ZNF385D: variants seen among roughly 807,000 people sequenced by gnomAD.
The protein encoded by ZNF385D is zinc finger protein 659.
Under a neutral mutation model 35.8 loss-of-function variants are expected in ZNF385D, and 15 were observed. That is an observed-to-expected ratio of 0.42 (90% CI 0.28 to 0.64). The LOEUF (loss-of-function observed/expected upper bound fraction) is 0.64. Among genes scored for constraint, ZNF385D ranks in the 30% least tolerant of loss-of-function variants. ZNF385D has a pLI of 0.23. For missense variants in ZNF385D, 474 were observed against 494.6 expected (o/e 0.96, Z 0.39); for synonymous variants, 212 against 186.8 (o/e 1.13, Z -1.10).
At chr3:22,165,347 T>C (rs752767800) in intron 3 of ZNF385D, among the ~76,000 whole-genome samples, 2 of 152,174 alleles carry the variant, frequency 1.3e-5, no homozygotes, top group Non-Finnish European at 2.9e-5. Context: ...AGCTGAGTAG[T>C]TTGGTCTTTG....
rs187434095 is a variant in ZNF385D, at chr3:21,750,960, C to T, written c.-44G>A. ...CCCACCGCGGTGTCTTCAGCATCAG[C>T]TCTCACCCAAGGCTGGCACGTAGAG... is the stretch of plus-strand genomic sequence containing the variant. On this transcript the variant is annotated 5_prime_UTR_variant, in exon 1 of 8. Coordinates refer to ENST00000281523, the MANE Select transcript of ZNF385D (RefSeq NM_024697.3). The T allele has an allele frequency of 4.3e-5, 69 of 1,613,980 alleles. 1 individual carries two copies. The highest frequency in any genetic ancestry group is 3.8e-4 in the Admixed American group (23 of 60,028).
At chr3:22,069,465 T>C (rs74462668) in intron 3 of ZNF385D, among the ~76,000 whole-genome samples, 8,698 of 152,240 alleles carry the variant, frequency 0.057, 318 homozygotes, top group East Asian at 0.11. Context: ...TGTGAATGTA[T>C]AGTGCATAGG....
At chr3:21,608,596 A>G (rs2064567566) in intron 2 of ZNF385D, among the ~76,000 whole-genome samples, 1 of 152,244 alleles carries the variant, frequency 6.6e-6, no homozygotes, top group African/African-American at 2.4e-5. Context: ...AAATAAATTA[A>G]TACGTGGAAA....
At chr3:21,928,277 GAGAGGA>G (rs1237854665) in intron 3 of ZNF385D, among the ~76,000 whole-genome samples, 72 of 134,448 alleles carry the variant, frequency 5.4e-4, no homozygotes, top group Non-Finnish European at 1.4e-4. Flanking sequence ...AAGGAAGGAA[GAGAGGA>G]AGGAAGGAAG....
In ZNF385D at chr3:21,414,754, C is replaced by T. The variant is rs1329106463; in HGVS notation, c.*6460G>A. 6.6e-6 allele frequency: 1 copy of T among 152,064 alleles called. No individual in the cohort carries two copies. Among genetic ancestry groups the T allele is most frequent in the Non-Finnish European group, 1.5e-5 (1 of 67,994 alleles). 9.4% of individuals were successfully genotyped at this position (152,064 alleles called of 1,614,324 possible). A position where few individuals can be genotyped will look rare whatever the true frequency, so the allele number is the denominator to read the frequency against. ...TCGATCTTGTGCCCAGATCCCTTGG[C>T]CACAAGGCTTTTTCGCCAATATCCA... On this transcript the variant is annotated 3_prime_UTR_variant, in exon 8 of 8. Coordinates refer to ENST00000281523, the MANE Select transcript of ZNF385D (RefSeq NM_024697.3).
intron 3 of ZNF385D, among the ~76,000 whole-genome samples, chr3:22,027,332 G>T (rs942694653): frequency 6.6e-6 from 1 of 152,186 alleles, no homozygotes; most frequent in Admixed American, 6.5e-5. Context: ...ACAGGGGAAG[G>T]TTCTGCAACA....
chr3:22,372,274 G>A (rs1015461208), intron 2 of ZNF385D, among the ~76,000 whole-genome samples: 19 of 152,088 alleles, frequency 1.2e-4, no homozygotes, highest in Admixed American at 2.6e-4. Flanking sequence ...GATAGTGCGG[G>A]ATACCGAAAA....
chr3:21,936,697 C>T (rs564644174), intron 3 of ZNF385D, among the ~76,000 whole-genome samples: 1 of 151,994 alleles, frequency 6.6e-6, no homozygotes, highest in South Asian at 2.1e-4. Flanking sequence ...GTTTAGAGCT[C>T]AAGATGAATA....
rs181830072 is a variant in ZNF385D, at chr3:22,335,787, T to C, written c.106+36663A>G. On this transcript the variant is annotated intron_variant, in intron 2 of 5. Coordinates refer to the ZNF385D transcript ENST00000494108. ...TTCCATATTTCTATTATACACATAC[T>C]TCTTTACCAAAAAAATTAATTTTAA... Among the ~76,000 whole-genome samples, 604 of 152,250 alleles carry C rather than the reference T, an allele frequency of 4.0e-3. 3 individuals carry two copies. Among genetic ancestry groups the C allele is most frequent in the African/African-American group, 0.014 (573 of 41,568 alleles).
rs149758092 is a variant in ZNF385D at position 22,070,851 on chromosome 3, T to A, written c.325+97966A>T. 8.2e-3 allele frequency among the ~76,000 whole-genome samples: 1,255 copies of A among 152,310 alleles called. 23 individuals are homozygous for A. Among genetic ancestry groups the A allele is most frequent in the African/African-American group, 0.028 (1,149 of 41,576 alleles). On this transcript the variant is annotated intron_variant, in intron 3 of 5. Transcript: ENST00000494108. ...AAACAGCTTACAATTTCAACTGGCT[T>A]CAATTTAATCACTTTTGTTAAGTTT...
chr3:21,993,430 T>G (rs1333643214), intron 3 of ZNF385D, among the ~76,000 whole-genome samples: 2 of 152,170 alleles, frequency 1.3e-5, no homozygotes, highest in Non-Finnish European at 2.9e-5. Flanking sequence ...AATAACCTAC[T>G]GGAAAATGAA....
intron 3 of ZNF385D, among the ~76,000 whole-genome samples, chr3:21,797,044 A>G (rs1332740326): frequency 6.6e-6 from 1 of 152,236 alleles, no homozygotes; most frequent in African/African-American, 2.4e-5. Flanking sequence ...TCCTTGAAAG[A>G]CATCGTCAAG....
intron 3 of ZNF385D, among the ~76,000 whole-genome samples, chr3:21,953,702 T>C (rs893986597): frequency 1.3e-5 from 2 of 152,058 alleles, no homozygotes; most frequent in East Asian, 1.9e-4. Context: ...GCAAATACTA[T>C]AACCAGCCAT....
At chr3:21,707,102 AT>A (rs564227474) in intron 1 of ZNF385D, among the ~76,000 whole-genome samples, 11 of 151,442 alleles carry the variant, frequency 7.3e-5, no homozygotes, top group East Asian at 3.9e-4. Context: ...AATATTTGTT[AT>A]TTTTTTTTAA....
At chr3:21,751,493 T>C (rs2070084210), upstream of ZNF385D, 1 of 974,718 alleles carries the variant, frequency 1.0e-6, no homozygotes, top group Non-Finnish European at 1.2e-6. Flanking sequence ...GACAACACTT[T>C]TACCCCGCCC....
intron 3 of ZNF385D, among the ~76,000 whole-genome samples, chr3:21,872,856 T>C (rs188269761): frequency 1.1e-3 from 167 of 152,266 alleles, no homozygotes; most frequent in African/African-American, 2.6e-3. Flanking sequence ...ATTAAGGGTA[T>C]ACAGTTGATA....
At chr3:21,520,906 G>A (rs1055473293) in intron 3 of ZNF385D, among the ~76,000 whole-genome samples, 1 of 152,106 alleles carries the variant, frequency 6.6e-6, no homozygotes, top group African/African-American at 2.4e-5. Flanking sequence ...CCAATACAGA[G>A]AAATTGAGTA....
chr3:22,222,432 G>A (rs554371646), intron 2 of ZNF385D, among the ~76,000 whole-genome samples: 1 of 152,072 alleles, frequency 6.6e-6, no homozygotes, highest in Middle Eastern at 3.4e-3. Context: ...TAAGTTCTGG[G>A]GTCAAAGATA....
In ZNF385D at chr3:21,536,038, C is replaced by T. The variant is rs567482348; in HGVS notation, c.277-25015G>A. On this transcript the variant is annotated intron_variant, in intron 3 of 7. Transcript: ENST00000281523. ...GATCTATTATGTTTAATAAATATTC[C>T]CCTATATTTTACAAGGTTAGGCACT... Among the ~76,000 whole-genome samples, 11 of 151,980 alleles carry T rather than the reference C, an allele frequency of 7.2e-5. 1 individual carries two copies. The highest frequency in any genetic ancestry group is 2.7e-4 in the African/African-American group (11 of 41,504).
Sources: allele counts gnomAD v4.1 joint callset (sites outside exome capture counted in the v4.1 genomes callset), GRCh38; gene constraint gnomAD v4.1.1; transcripts MANE v1.5; gene names NCBI Gene and HGNC (gene_info 2026-07-23, HGNC 2026-07-21).